PRDM5: variants seen among roughly 807,000 people sequenced by gnomAD.
PRDM5 encodes PR domain zinc finger protein 5.
PRDM5 carries 56 observed loss-of-function variants against 81.2 expected under a neutral mutation model. The ratio of observed to expected loss-of-function variants is 0.69; its 90% CI spans 0.56 to 0.86. The LOEUF is 0.86. Among genes scored for constraint, PRDM5 ranks in the 40% least tolerant of loss-of-function variants. The pLI is 0.00. For synonymous variants in PRDM5, 267 were observed against 256.4 expected (o/e 1.04, Z -0.39); for missense variants, 697 against 770.1 (o/e 0.91, Z 1.12).
intron 1 of PRDM5, among the ~76,000 whole-genome samples, chr4:120,913,432 C>T (rs1766742205): frequency 1.3e-5 from 2 of 152,222 alleles, no homozygotes; most frequent in Non-Finnish European, 2.9e-5. Context: ...CTGCAGTTGT[C>T]TCTCTTACTC....
chr4:120,853,299 T>C (rs1759498525), intron 3 of PRDM5, 119 bp downstream of exon 3: 1 of 1,451,210 alleles, frequency 6.9e-7, no homozygotes, highest in Non-Finnish European at 9.7e-7. Flanking sequence ...TCTGCTTTTA[T>C]GAGTTACTGT....
chr4:120,720,421 G>C (rs1395403694), intron 14 of PRDM5, among the ~76,000 whole-genome samples: 1 of 152,158 alleles, frequency 6.6e-6, no homozygotes, highest in Non-Finnish European at 1.5e-5. Flanking sequence ...ATGACTACTT[G>C]CTTCTATAAA....
At chr4:120,849,536 C>A (rs1259379981) in intron 3 of PRDM5, among the ~76,000 whole-genome samples, 1 of 152,082 alleles carries the variant, frequency 6.6e-6, no homozygotes, top group Non-Finnish European at 1.5e-5. Context: ...AATGTTTTTA[C>A]CCAAATGTTT....
intron 15 of PRDM5, among the ~76,000 whole-genome samples, chr4:120,709,418 T>G (rs778641608): frequency 3.1e-4 from 47 of 152,214 alleles, no homozygotes; most frequent in Non-Finnish European, 6.0e-4. Context: ...TTTATGAGTA[T>G]GCCCACTGGG....
At position 120,776,560 on chromosome 4, in the gene PRDM5, T is replaced by C. The variant is rs145204798; in HGVS notation, c.1537+628A>G. ...ATCATCTGGCTATCAATATTAATAG[T>C]ATTCTTTCAAGTCTTTTTCAAGGGC... On this transcript the variant is annotated intron_variant, in intron 13 of 15. Coordinates refer to ENST00000264808, the MANE Select transcript of PRDM5 (RefSeq NM_018699.4). Among the ~76,000 whole-genome samples, 160 of 152,302 alleles carry C rather than the reference T, an allele frequency of 1.1e-3. 2 individuals are homozygous for C. The East Asian group carries it at 0.02, about 19-fold the overall frequency.
At chr4:120,723,923 A>ATTTTTTTTTT (rs70948360) in intron 14 of PRDM5, among the ~76,000 whole-genome samples, 4 of 81,278 alleles carry the variant, frequency 4.9e-5, no homozygotes, top group Admixed American at 1.5e-4. Context: ...GATAGCTTGA[A>ATTTTTTTTTT]TTTTTTTTTT....
chr4:120,844,633 C>T (rs4833687), intron 3 of PRDM5, among the ~76,000 whole-genome samples: 30,212 of 152,110 alleles, frequency 0.2, 3,653 homozygotes, highest in Non-Finnish European at 0.28. Context: ...CTCTCTCTCT[C>T]TCCTCAGACC....
At chr4:120,827,112 G>A (rs759187619) in intron 3 of PRDM5, among the ~76,000 whole-genome samples, 1 of 152,074 alleles carries the variant, frequency 6.6e-6, no homozygotes, top group South Asian at 2.1e-4. Context: ...AAATCGACTC[G>A]CAAAGCCCTT....
chr4:120,761,570 T>C (rs764800697), intron 13 of PRDM5, among the ~76,000 whole-genome samples: 2 of 152,200 alleles, frequency 1.3e-5, no homozygotes, highest in Non-Finnish European at 2.9e-5. Flanking sequence ...TTAAGAAAAT[T>C]TGTGAAGGCA....
At chr4:120,835,480 A>G (rs1009599712) in intron 3 of PRDM5, among the ~76,000 whole-genome samples, 5 of 152,168 alleles carry the variant, frequency 3.3e-5, no homozygotes, top group African/African-American at 1.2e-4. Flanking sequence ...GAATTCCCAC[A>G]TGTTGTGGGA....
chr4:120,706,794 T>C (rs995201751), intron 15 of PRDM5, among the ~76,000 whole-genome samples: 4 of 148,054 alleles, frequency 2.7e-5, no homozygotes, highest in Non-Finnish European at 4.5e-5. Flanking sequence ...TTTATCATGG[T>C]TACCCAATTT....
intron 15 of PRDM5, among the ~76,000 whole-genome samples, chr4:120,699,189 TATATATATATA>T (rs1560889913): frequency 6.1e-4 from 75 of 122,706 alleles, no homozygotes; most frequent in Non-Finnish European, 8.6e-4. Context: ...TATATATATA[TATATATATATA>T]TATATTTCAG....
intron 13 of PRDM5, among the ~76,000 whole-genome samples, chr4:120,775,275 A>G (rs1485820536): frequency 6.6e-6 from 1 of 152,152 alleles, no homozygotes; most frequent in Non-Finnish European, 1.5e-5. Flanking sequence ...TATATTTAAT[A>G]ATTTTATCAG....
At chr4:120,794,677 G>T (rs1751094835) in intron 10 of PRDM5, among the ~76,000 whole-genome samples, 1 of 150,740 alleles carries the variant, frequency 6.6e-6, no homozygotes, top group Non-Finnish European at 1.5e-5. Context: ...AGGCTGGAGT[G>T]CAGTAGCACA....
chr4:120,732,538 T>C (rs934344807), intron 14 of PRDM5, among the ~76,000 whole-genome samples: 3 of 152,120 alleles, frequency 2.0e-5, no homozygotes, highest in African/African-American at 7.2e-5. Context: ...ATCAGATGTA[T>C]TGCTTGAAAA....
chr4:120,685,608 G>A (rs1578547433), intron 1 of PRDM5, among the ~76,000 whole-genome samples: 1 of 152,002 alleles, frequency 6.6e-6, no homozygotes, highest in East Asian at 1.9e-4. Context: ...TGAAATATTT[G>A]GAGGAGCTAA....
chr4:120,831,776 G>C (rs1008363678), intron 3 of PRDM5, among the ~76,000 whole-genome samples: 5 of 152,036 alleles, frequency 3.3e-5, no homozygotes, highest in African/African-American at 1.2e-4. Context: ...AACCAAGAAA[G>C]CTTTGGTCAT....
chr4:120,854,919 T>C (rs1485188459), intron 2 of PRDM5, among the ~76,000 whole-genome samples: 1 of 151,578 alleles, frequency 6.6e-6, no homozygotes, highest in Non-Finnish European at 1.5e-5. Context: ...TGGAAATGAA[T>C]TAGGTGCATT....
intron 8 of PRDM5, among the ~76,000 whole-genome samples, chr4:120,809,431 A>G (rs1277931105): frequency 6.6e-6 from 1 of 152,198 alleles, no homozygotes; most frequent in East Asian, 1.9e-4. Flanking sequence ...AATGCTTAAT[A>G]AAAAGATCAT....
Sources: gnomAD v4.1 joint callset for allele counts (sites outside exome capture counted in the v4.1 genomes callset) on GRCh38, gnomAD v4.1.1 for gene constraint, MANE v1.5 for transcripts, NCBI Gene and HGNC (gene_info 2026-07-23, HGNC 2026-07-21) for gene names.